The following SLC25A35 variants were observed in gnomAD, a reference collection of about 807,000 sequenced individuals.
SLC25A35 encodes the protein solute carrier family 25 member 35, also known as solute carrier family 25, member 35.
A neutral mutation model predicts 30.5 loss-of-function variants in SLC25A35; 32 were observed. That is an observed-to-expected ratio of 1.05 (90% CI 0.79 to 1.41). The LOEUF (loss-of-function observed/expected upper bound fraction) is 1.41. SLC25A35 is among the 40% of genes most tolerant of loss of function. The probability of loss-of-function intolerance (pLI) is 0.00; values close to 1 mark genes in which losing one functional copy is unlikely to be tolerated. For synonymous variants in SLC25A35, 142 were observed against 158.1 expected, an observed-to-expected ratio of 0.90 and a Z score of 0.77; for missense variants, 369 against 388.0, an observed-to-expected ratio of 0.95 and a Z score of 0.41.
downstream of SLC25A35, chr17:8,289,542 C>G (rs1176536667): frequency 3.7e-6 from 6 of 1,614,038 alleles, no homozygotes; most frequent in African/African-American, 6.7e-5. Flanking sequence ...CTTGCTGAGG[C>G]TGCCCCAGTA....
In SLC25A35 at chr17:8,290,628, G is replaced by C; in HGVS notation, c.780C>G (p.Thr260=). The C allele has an allele frequency of 6.5e-7, 1 of 1,540,978 alleles. No homozygotes were observed. Reference sequence around the variant, plus strand: ...CCTTGTACATGCCAAAAATGCCCTCGGTCCGAGCTGTCTGCAGCAGAGCGT... The same window carrying C: ...CCTTGTACATGCCAAAAATGCCCTCCGTCCGAGCTGTCTGCAGCAGAGCGT... ...ILDALLQTAR[T]EGIFGMYKGI... The change falls in exon 5 of 5, where the codon ACC becomes ACG. Residue 260 remains threonine (T), a synonymous_variant. Transcript: ENST00000577745.
At chr17:8,289,037 G>C (rs1412254734), downstream of SLC25A35, 2 of 1,614,020 alleles carry the variant, frequency 1.2e-6, no homozygotes, top group Non-Finnish European at 1.7e-6. Context: ...AACTTCTCGA[G>C]CTGCAGGCCC....
Position 8,294,910 on chromosome 17 carries a change from A to G in SLC25A35, c.-103T>C. The G allele has an allele frequency of 6.7e-7, 1 of 1,488,546 alleles. No individual in the cohort carries two copies. The highest frequency in any genetic ancestry group is 8.9e-7 in the Non-Finnish European group (1 of 1,124,848). The allele number at this position is 1,488,546 out of a possible 1,614,324, so 92.2% of individuals were successfully genotyped here. On this transcript the variant is annotated 5_prime_UTR_variant, in exon 1 of 5. Coordinates refer to ENST00000577745, the MANE Select transcript of SLC25A35 (RefSeq NM_001320870.2). Reference sequence around the variant, plus strand: ...GGGGGAAGGCCTGTTTCAGCAGTACAGGTTGCAGAAGATAAGAATTTAGAT... The same window carrying G: ...GGGGGAAGGCCTGTTTCAGCAGTACGGGTTGCAGAAGATAAGAATTTAGAT...
downstream of SLC25A35, chr17:8,289,306 T>C (rs1367344398): frequency 1.2e-6 from 2 of 1,614,062 alleles, no homozygotes; most frequent in South Asian, 1.1e-5. Context: ...GGGCTGTCCA[T>C]GTGGAGTCTG....
Position 8,290,257 on chromosome 17 carries a change from C to G in SLC25A35, c.*248G>C. The G allele has an allele frequency of 7.0e-7, 1 of 1,424,718 alleles. No homozygotes were observed. The highest frequency in any genetic ancestry group is 1.5e-5 in the South Asian group (1 of 64,752). 88.3% of individuals were successfully genotyped at this position (1,424,718 alleles called of 1,614,324 possible). A position where few individuals can be genotyped will look rare whatever the true frequency, so the allele number is the denominator to read the frequency against. The stretch of plus-strand genomic sequence containing the variant: ...TGGGAGGAAATACACTTTGGGATGA[C>G]TCGTTCAGCCCTGAGAGAGGGGTGT... On this transcript the variant is annotated 3_prime_UTR_variant, in exon 5 of 5. Coordinates refer to ENST00000577745, the MANE Select transcript of SLC25A35 (RefSeq NM_001320870.2).
chr17:8,294,483 C>T lies in SLC25A35; in HGVS notation c.325G>A (p.Gly109Arg), dbSNP rs1484071911. The T allele has an allele frequency of 3.7e-6, 6 of 1,609,458 alleles. No homozygotes were observed. The highest frequency in any genetic ancestry group is 5.1e-6 in the Non-Finnish European group (6 of 1,177,842). The change falls in exon 1 of 5, where the codon GGG becomes AGG. Residue 109 changes from glycine (G) to arginine (R), a missense_variant. Physicochemically the swap from Gly to Arg is moderately radical, Grantham distance 125. Transcript: ENST00000577745. The stretch of plus-strand genomic sequence containing the variant: ...GCTCCCATGACCCCAGCCATGGCCC[C>T]AGCTGCTGCGCTGCGGGCAGGACTG... ...THSPARSAAA[G>R]AMAGVMGAYL...
chr17:8,289,631 C>T (rs950533589), downstream of SLC25A35: 1 of 1,607,088 alleles, frequency 6.2e-7, no homozygotes, highest in African/African-American at 1.3e-5. Flanking sequence ...ACTGGGTTCC[C>T]AGGAGAATCG....
chr17:8,291,336 C>A lies in SLC25A35; in HGVS notation c.591G>T (p.Trp197Cys). 6.2e-7 allele frequency: 1 copy of A among 1,614,124 alleles called. No individual in the cohort carries two copies. Among genetic ancestry groups the A allele is most frequent in the Non-Finnish European group, 8.5e-7 (1 of 1,179,974 alleles). The stretch of plus-strand genomic sequence containing the variant: ...CCACCCATTTCCCAGGCAGTACCTC[C>A]CACTGGCTCAGGAGGTCCTTGGTGG... ...FSSTKDLLSQ[W>C]EIFPPQSWKL... is the part of the protein sequence containing the mutation. Residue 197 changes from tryptophan to cysteine, a missense_variant, in exon 3 of 5, where the codon TGG becomes TGT. Physicochemically the swap from Trp to Cys is radical, Grantham distance 215. Coordinates refer to ENST00000577745, the MANE Select transcript of SLC25A35 (RefSeq NM_001320870.2).
At chr17:8,288,509 G>C, downstream of SLC25A35, 1 of 537,372 alleles carries the variant, frequency 1.9e-6, no homozygotes, top group Non-Finnish European at 3.4e-6. Context: ...GGGCGACATA[G>C]ACCCTAACCC....
chr17:8,289,443 G>T (rs756094184), downstream of SLC25A35: 12 of 1,614,070 alleles, frequency 7.4e-6, no homozygotes, highest in Non-Finnish European at 9.3e-6. Flanking sequence ...GTAATGTCCT[G>T]GAAGGGCGGT....
At chr17:8,288,444 T>C, downstream of SLC25A35, 2 of 385,760 alleles carry the variant, frequency 5.2e-6, no homozygotes, top group Non-Finnish European at 9.8e-6. Flanking sequence ...TGTCAATCAA[T>C]CAATCAATCA....
At chr17:8,289,018 T>C (rs1243962438), downstream of SLC25A35, 2 of 1,614,074 alleles carry the variant, frequency 1.2e-6, no homozygotes, top group South Asian at 2.2e-5. Context: ...GACCAGAGCC[T>C]GATAGTGGAA....
Position 8,290,522 on chromosome 17 carries a change from A to G in SLC25A35, c.886T>C (p.Tyr296His), listed in dbSNP as rs1990401210. 1 of 1,536,022 alleles carries G rather than the reference A, an allele frequency of 6.5e-7. No homozygotes were observed. Among genetic ancestry groups the G allele is most frequent in the Non-Finnish European group, 8.7e-7 (1 of 1,146,842 alleles). ...FFWDQLRSLY[Y>H]TDTK The stretch of plus-strand genomic sequence containing the variant: ...AGCGGCTGTTATTTAGTGTCTGTGT[A>G]GTAGAGGGAGCGCAGCTGGTCCCAG... Residue 296 changes from tyrosine to histidine, a missense_variant, in exon 5 of 5, where the codon TAC becomes CAC. Transcript: ENST00000577745.
chr17:8,289,741 G>A (rs990941231), downstream of SLC25A35: 6 of 1,613,878 alleles, frequency 3.7e-6, no homozygotes, highest in Middle Eastern at 1.7e-4. Flanking sequence ...GTCCTCTGGG[G>A]AACAGGAATT....
At chr17:8,288,898 C>G (rs776014099), downstream of SLC25A35, 29 of 1,614,032 alleles carry the variant, frequency 1.8e-5, no homozygotes, top group South Asian at 3.2e-4. Flanking sequence ...GGGCGGCTGA[C>G]TGGGTGGGTT....
At position 8,290,948 on chromosome 17, in the gene SLC25A35, G is replaced by A. The variant is rs755062196; in HGVS notation, c.623C>T (p.Ala208Val). 32 of 1,613,936 alleles carry A rather than the reference G, an allele frequency of 2.0e-5. No individual in the cohort carries two copies. In the Admixed American group the frequency reaches 2.0e-4, roughly 10 times the overall value. The stretch of plus-strand genomic sequence containing the variant: ...GCCACTCATCATGGCAGCCACCAGC[G>A]CCAACTTCCAGCTCTGGGGAGGAAA... ...EIFPPQSWKL[A>V]LVAAMMSGIA... Residue 208 changes from alanine (A) to valine (V), a missense_variant, in exon 4 of 5, where the codon GCG becomes GTG. Physicochemically the swap from Ala to Val is moderately conservative, Grantham distance 64. Coordinates refer to ENST00000577745, the MANE Select transcript of SLC25A35 (RefSeq NM_001320870.2).
chr17:8,289,291 G>T, downstream of SLC25A35: 2 of 1,613,974 alleles, frequency 1.2e-6, no homozygotes, highest in Non-Finnish European at 1.7e-6. Context: ...GCGTGCAGGG[G>T]GCTAGGGCTG....
chr17:8,289,200 G>C, downstream of SLC25A35: 1 of 1,606,124 alleles, frequency 6.2e-7, no homozygotes, highest in Admixed American at 1.7e-5. Flanking sequence ...GCAACTTAAA[G>C]ATGCTCCCGG....
At chr17:8,294,077 G>C (rs113501101) in intron 1 of SLC25A35, among the ~76,000 whole-genome samples, 1,963 of 149,910 alleles carry the variant, frequency 0.013, 22 homozygotes, top group Middle Eastern at 0.021. Context: ...CACCGCACCC[G>C]GCTAATTTTT....
Sources: allele counts gnomAD v4.1 joint callset (sites outside exome capture counted in the v4.1 genomes callset), GRCh38; gene constraint gnomAD v4.1.1; transcripts MANE v1.5; gene names NCBI Gene and HGNC (gene_info 2026-07-23, HGNC 2026-07-21).